The following CLDN16 variants were observed in gnomAD, a reference collection of about 807,000 sequenced individuals.
The protein encoded by CLDN16 is claudin 16.
CLDN16 carries 13 observed loss-of-function variants against 24.6 expected under a neutral mutation model. That is an observed-to-expected ratio of 0.53 (90% CI 0.34 to 0.84). The LOEUF (loss-of-function observed/expected upper bound fraction) is 0.84, where lower values mean the gene tolerates loss of function less well. Ranked by LOEUF, CLDN16 falls within the 40% of genes least tolerant of loss-of-function variation. The pLI is 0.01. For synonymous variants in CLDN16, 116 were observed against 106.7 expected, an observed-to-expected ratio of 1.09 and a Z score of -0.54; for missense variants, 298 against 292.7, an observed-to-expected ratio of 1.02 and a Z score of -0.13.
At chr3:190,332,607 C>T (rs575307669) in intron 1 of CLDN16, among the ~76,000 whole-genome samples, 12 of 152,096 alleles carry the variant, frequency 7.9e-5, no homozygotes, top group African/African-American at 2.4e-4. Context: ...AGGTCTCCTC[C>T]GACACTTAAA....
the CLDN16 span, among the ~76,000 whole-genome samples, chr3:190,299,549 A>ATT: frequency 2.6e-4 from 39 of 148,552 alleles, no homozygotes; most frequent in African/African-American, 8.0e-4. Flanking sequence ...ATTTTTTCTG[A>ATT]ATTTTTTTTA....
intron 1 of CLDN16, among the ~76,000 whole-genome samples, chr3:190,328,729 T>C (rs1274473798): frequency 6.6e-6 from 1 of 152,000 alleles, no homozygotes; most frequent in Non-Finnish European, 1.5e-5. Context: ...TACAAACTGG[T>C]GAGTTGCATC....
chr3:190,328,685 A>AC (rs914576669), intron 1 of CLDN16, among the ~76,000 whole-genome samples: 3 of 152,074 alleles, frequency 2.0e-5, no homozygotes, highest in African/African-American at 7.2e-5. Flanking sequence ...TAAAAAAAAA[A>AC]AACAAGATTT....
chr3:190,326,319 A>G (rs1300793049), intron 1 of CLDN16, among the ~76,000 whole-genome samples: 1 of 152,224 alleles, frequency 6.6e-6, no homozygotes, highest in Non-Finnish European at 1.5e-5. Context: ...GGACTCTTTC[A>G]TGCTTCGATT....
At chr3:190,402,740 T>C (rs1158146130) in intron 2 of CLDN16, among the ~76,000 whole-genome samples, 1 of 152,190 alleles carries the variant, frequency 6.6e-6, no homozygotes, top group Non-Finnish European at 1.5e-5. Flanking sequence ...TAAATGGTTT[T>C]TTAATCGAAA....
At chr3:190,316,022 T>C in the CLDN16 span, among the ~76,000 whole-genome samples, 1 of 152,218 alleles carries the variant, frequency 6.6e-6, no homozygotes, top group African/African-American at 2.4e-5. Flanking sequence ...TTGATTCGTG[T>C]CAAATCTATC....
At chr3:190,365,351 AC>A (rs1464811286) in intron 1 of CLDN16, among the ~76,000 whole-genome samples, 1 of 151,208 alleles carries the variant, frequency 6.6e-6, no homozygotes, top group African/African-American at 2.4e-5. Context: ...TGCTGCACCC[AC>A]CAGTGCACTC....
chr3:190,341,742 A>G (rs1717441304), intron 1 of CLDN16, among the ~76,000 whole-genome samples: 1 of 152,210 alleles, frequency 6.6e-6, no homozygotes. Flanking sequence ...GTCAGGCTGC[A>G]GATTTTCTGA....
chr3:190,402,006 T>A (rs1194457253), intron 1 of CLDN16, among the ~76,000 whole-genome samples: 1 of 152,164 alleles, frequency 6.6e-6, no homozygotes, highest in Non-Finnish European at 1.5e-5. Flanking sequence ...CATGAAATGA[T>A]GTTTTTCCAT....
chr3:190,379,302 A>G lies in CLDN16; in HGVS notation n.306+4699A>G, dbSNP rs573697003. 3.3e-5 allele frequency among the ~76,000 whole-genome samples: 5 copies of G among 152,210 alleles called. No homozygotes were observed. In the East Asian group the frequency reaches 7.8e-4, roughly 24 times the overall value. ...AATGTATTCCAAAATAAACTACACT[A>G]TTACAGGGTCACCTTAGAAGGATCT... is the stretch of plus-strand genomic sequence containing the variant. On this transcript the variant is annotated intron_variant and non_coding_transcript_variant, in intron 3 of 4. Transcript: ENST00000468220.
intron 1 of CLDN16, among the ~76,000 whole-genome samples, chr3:190,367,287 T>C (rs1321223688): frequency 2.0e-5 from 3 of 151,994 alleles, no homozygotes; most frequent in Non-Finnish European, 4.4e-5. Context: ...AAGATAATCA[T>C]TACTTCATGA....
chr3:190,297,601 TATATCTATA>T, the CLDN16 span, among the ~76,000 whole-genome samples: 5 of 139,320 alleles, frequency 3.6e-5, no homozygotes, highest in African/African-American at 1.1e-4. Context: ...CTATATAATA[TATATCTATA>T]ATATCTATAA....
chr3:190,411,791 T>C lies in CLDN16; in HGVS notation c.*1755T>C, dbSNP rs912939643. ...TTAACTATCTCATTTTTATTAACTG[T>C]AATTTACTTTAAAAATATTTGCAAA... On this transcript the variant is annotated 3_prime_UTR_variant, in exon 5 of 5. Transcript: ENST00000264734. 6.6e-6 allele frequency: 1 copy of C among 152,164 alleles called. No homozygotes were observed. The highest frequency in any genetic ancestry group is 6.5e-5 in the Admixed American group (1 of 15,280). 9.4% of individuals were successfully genotyped at this position (152,164 alleles called of 1,614,324 possible).
chr3:190,361,543 T>C (rs1274812596), intron 1 of CLDN16, among the ~76,000 whole-genome samples: 24 of 152,036 alleles, frequency 1.6e-4, no homozygotes, highest in Non-Finnish European at 1.9e-4. Flanking sequence ...GCTACAAGAT[T>C]AGAAATTATG....
At chr3:190,335,190 C>T (rs912054231) in intron 1 of CLDN16, among the ~76,000 whole-genome samples, 1 of 151,582 alleles carries the variant, frequency 6.6e-6, no homozygotes, top group African/African-American at 2.4e-5. Flanking sequence ...ATTACAGGCA[C>T]CCGCCACCAT....
chr3:190,375,589 C>T (rs1408874216), intron 3 of CLDN16, among the ~76,000 whole-genome samples: 1 of 151,942 alleles, frequency 6.6e-6, no homozygotes, highest in Non-Finnish European at 1.5e-5. Context: ...TATGGTACTA[C>T]TTGAAATTTT....
rs577671505 is a variant in CLDN16, at chr3:190,402,695, C to T, written c.217+256C>T. Among the ~76,000 whole-genome samples the T allele has an allele frequency of 8.5e-5, 13 of 152,164 alleles. 1 individual carries two copies. The South Asian group carries it at 2.1e-3, about 24-fold the overall frequency. Reference sequence around the variant, plus strand: ...TTAATCTCTGCTGTCCCTCAGAGGGCCAGGCATAGTGCTTCATACTCAGCA... The same window carrying T: ...TTAATCTCTGCTGTCCCTCAGAGGGTCAGGCATAGTGCTTCATACTCAGCA... On this transcript the variant is annotated intron_variant, in intron 2 of 4. Transcript: ENST00000264734.
At chr3:190,382,715 C>T in intron 3 of CLDN16, among the ~76,000 whole-genome samples, 1 of 152,070 alleles carries the variant, frequency 6.6e-6, no homozygotes, top group Non-Finnish European at 1.5e-5. Context: ...ATCATAATTC[C>T]TTTGGGCCAT....
chr3:190,405,428 GAAAAAAAAA>G (rs542527344), intron 3 of CLDN16, among the ~76,000 whole-genome samples: 1 of 81,154 alleles, frequency 1.2e-5, no homozygotes, highest in African/African-American at 4.9e-5. Context: ...CCGTCTCACG[GAAAAAAAAA>G]AAAAAAAAAA....
Sources: allele counts gnomAD v4.1 joint callset (sites outside exome capture counted in the v4.1 genomes callset), GRCh38; gene constraint gnomAD v4.1.1; transcripts MANE v1.5; gene names NCBI Gene and HGNC (gene_info 2026-07-23, HGNC 2026-07-21).